Variants in TMEM87B observed in about 807,000 individuals in gnomAD.
TMEM87B encodes transmembrane protein 87B.
TMEM87B carries 83 observed loss-of-function variants against 80.3 expected under a neutral mutation model. The observed-to-expected ratio is 1.03, with a 90% confidence interval of 0.87 to 1.24. The LOEUF (loss-of-function observed/expected upper bound fraction) is 1.24, where lower values mean the gene tolerates loss of function less well. Among genes scored for constraint, TMEM87B ranks in the 50% most tolerant of loss-of-function variants. The probability of loss-of-function intolerance (pLI) is 0.00; values close to 1 mark genes in which losing one functional copy is unlikely to be tolerated. For missense variants in TMEM87B, 625 were observed against 674.4 expected (o/e 0.93, Z 0.81); for synonymous variants, 219 against 230.5 (o/e 0.95, Z 0.45).
chr2:112,061,159 G>C (rs183019764), intron 2 of TMEM87B, among the ~76,000 whole-genome samples: 451 of 152,276 alleles, frequency 3.0e-3, no homozygotes, highest in Non-Finnish European at 5.0e-3. Flanking sequence ...TCTTTTCTGT[G>C]TCAATACTGA....
chr2:112,102,139 G>A (rs972058261), intron 15 of TMEM87B, among the ~76,000 whole-genome samples: 9 of 152,140 alleles, frequency 5.9e-5, no homozygotes, highest in Non-Finnish European at 1.3e-4. Context: ...TAAAGGAGGT[G>A]GGAGTACTTA....
chr2:112,064,931 T>C (rs1026414627), intron 3 of TMEM87B, among the ~76,000 whole-genome samples: 5 of 152,134 alleles, frequency 3.3e-5, no homozygotes, highest in Non-Finnish European at 7.3e-5. Context: ...TCTATACATA[T>C]ACATATATGT....
intron 18 of TMEM87B, among the ~76,000 whole-genome samples, chr2:112,113,525 G>T (rs1679977525): frequency 6.6e-6 from 1 of 152,230 alleles, no homozygotes; most frequent in African/African-American, 2.4e-5. Flanking sequence ...TGAAAGAGAA[G>T]GAAATGATTT....
At chr2:112,074,339 A>G (rs916750078) in intron 4 of TMEM87B, among the ~76,000 whole-genome samples, 1 of 152,248 alleles carries the variant, frequency 6.6e-6, no homozygotes, top group Non-Finnish European at 1.5e-5. Context: ...TTGGCCAGAC[A>G]TAAAATTCTT....
At chr2:112,088,334 G>T (rs1679206695) in intron 9 of TMEM87B, among the ~76,000 whole-genome samples, 1 of 152,158 alleles carries the variant, frequency 6.6e-6, no homozygotes. Flanking sequence ...AAATGAATGG[G>T]TACAGATACA....
chr2:112,081,576 G>T, intron 8 of TMEM87B, 58 bp downstream of exon 8: 1 of 1,483,154 alleles, frequency 6.7e-7, no homozygotes, highest in South Asian at 1.3e-5. Flanking sequence ...CAGTATTTAT[G>T]AGCAGAGCAG....
intron 9 of TMEM87B, among the ~76,000 whole-genome samples, chr2:112,088,224 G>C (rs1452074332): frequency 6.6e-6 from 1 of 152,218 alleles, no homozygotes; most frequent in Non-Finnish European, 1.5e-5. Context: ...GGAAATGAAG[G>C]CCTCTTGTTG....
chr2:112,081,338 T>G lies in TMEM87B; in HGVS notation c.658T>G (p.Tyr220Asp). 1 of 1,592,820 alleles carries G rather than the reference T, an allele frequency of 6.3e-7. No homozygotes were observed. The highest frequency in any genetic ancestry group is 8.5e-7 in the Non-Finnish European group (1 of 1,172,636). The change falls in exon 8 of 19, where the codon TAC becomes GAC. Residue 220 changes from tyrosine to aspartate, a missense_variant. Physicochemically the swap from Tyr to Asp is radical, Grantham distance 160. Transcript: ENST00000283206. ...SASDWPLMIF[Y>D]MVMCIVYILY... ...AAAATTGCTTCTCTTCCTACAGTTTTACATGGTGATGTGTATTGTTTATAT... is the reference window on the plus strand; with the variant it reads ...AAAATTGCTTCTCTTCCTACAGTTTGACATGGTGATGTGTATTGTTTATAT...
chr2:112,072,409 C>T (rs147376686), intron 4 of TMEM87B, among the ~76,000 whole-genome samples: 28 of 152,152 alleles, frequency 1.8e-4, no homozygotes, highest in Admixed American at 4.6e-4. Context: ...ATCTGGTCTT[C>T]GGCCTTTTTT....
chr2:112,068,244 C>A (rs913987237), intron 4 of TMEM87B, among the ~76,000 whole-genome samples: 3 of 152,032 alleles, frequency 2.0e-5, no homozygotes, highest in African/African-American at 7.2e-5. Context: ...AAAAATAAAC[C>A]TAGCAGTCAG....
At chr2:112,075,041 C>G in intron 5 of TMEM87B, 79 bp downstream of exon 5, 4 of 1,500,218 alleles carry the variant, frequency 2.7e-6, no homozygotes, top group East Asian at 2.4e-5. Context: ...TGGATAGATA[C>G]TTAGAGAGTG....
At chr2:112,085,078 T>A (rs1050748088) in intron 8 of TMEM87B, among the ~76,000 whole-genome samples, 1 of 152,242 alleles carries the variant, frequency 6.6e-6, no homozygotes, top group East Asian at 1.9e-4. Flanking sequence ...AGGGCCAGAT[T>A]TGGCCCATGG....
At chr2:112,060,132 G>A (rs536342813) in intron 2 of TMEM87B, 95 bp downstream of exon 2, 1 of 1,323,498 alleles carries the variant, frequency 7.6e-7, no homozygotes, top group South Asian at 1.7e-5. Flanking sequence ...TGGATCACAA[G>A]GTCGGGAGTT....
intron 2 of TMEM87B, among the ~76,000 whole-genome samples, chr2:112,062,987 G>A (rs1678302035): frequency 6.6e-6 from 1 of 152,132 alleles, no homozygotes; most frequent in Non-Finnish European, 1.5e-5. Flanking sequence ...TTCTCTTTAT[G>A]TAGCTTCCAT....
chr2:112,061,653 T>C (rs1678262052), intron 2 of TMEM87B, among the ~76,000 whole-genome samples: 1 of 152,080 alleles, frequency 6.6e-6, no homozygotes, highest in Non-Finnish European at 1.5e-5. Flanking sequence ...CAAAAAGTTA[T>C]ATGGAAAAAA....
At chr2:112,070,170 A>G (rs948323059) in intron 4 of TMEM87B, among the ~76,000 whole-genome samples, 2 of 152,056 alleles carry the variant, frequency 1.3e-5, no homozygotes, top group Non-Finnish European at 2.9e-5. Flanking sequence ...GAAACTCTTT[A>G]GTTTAATTAG....
intron 2 of TMEM87B, among the ~76,000 whole-genome samples, chr2:112,063,778 T>A (rs1678330238): frequency 6.6e-6 from 1 of 152,196 alleles, no homozygotes; most frequent in Non-Finnish European, 1.5e-5. Flanking sequence ...TCTTAAGTCA[T>A]AGACAGGCAT....
chr2:112,074,922 TAATA>T lies in TMEM87B; in HGVS notation c.466_469del (p.Asn156SerfsTer14), dbSNP rs749360135. 3 of 1,578,588 alleles carry T rather than the reference TAATA, an allele frequency of 1.9e-6. No individual in the cohort carries two copies. The South Asian group carries it at 3.4e-5, about 18-fold the overall frequency. ...TACTCTTTTTTCCAGAATAAAGAAC[TAATA>T]AATATCAGAAATGTTTCAAACCAGG... On this transcript the variant is annotated frameshift_variant, in exon 5 of 19. Coordinates refer to ENST00000283206, the MANE Select transcript of TMEM87B (RefSeq NM_032824.3). LOFTEE classifies it high-confidence loss of function.
At chr2:112,069,116 C>G (rs1040345000) in intron 4 of TMEM87B, among the ~76,000 whole-genome samples, 1 of 142,886 alleles carries the variant, frequency 7.0e-6, no homozygotes. Context: ...GGCGTGAACC[C>G]GGGAAGCGGA....
Sources: gnomAD v4.1 joint callset for allele counts (sites outside exome capture counted in the v4.1 genomes callset) on GRCh38, gnomAD v4.1.1 for gene constraint, MANE v1.5 for transcripts, NCBI Gene and HGNC (gene_info 2026-07-23, HGNC 2026-07-21) for gene names.